STEEP1: variants seen among roughly 807,000 people sequenced by gnomAD.
STEEP1 encodes the protein STING ER exit protein.
In STEEP1, 3 loss-of-function variants were observed where a neutral mutation model predicts 19.2. The observed-to-expected ratio is 0.16, with a 90% CI of 0.07 to 0.40. STEEP1 has a LOEUF of 0.40. STEEP1 is among the 10% of genes least tolerant of loss of function. The pLI is 0.99. For synonymous variants in STEEP1, 46 were observed against 63.7 expected, an observed-to-expected ratio of 0.72 and a Z score of 1.32; for missense variants, 54 against 177.1, an observed-to-expected ratio of 0.30 and a Z score of 3.94.
At chrX:119,561,280 G>C (rs12690090) in intron 1 of STEEP1, among the ~76,000 whole-genome samples, 1 of 110,333 alleles carries the variant, frequency 9.1e-6, no homozygotes, top group African/African-American at 3.3e-5. Flanking sequence ...TATATAGTAT[G>C]CAAATGATCC....
intron 2 of STEEP1, among the ~76,000 whole-genome samples, chrX:119,555,681 T>A (rs1048659069): frequency 9.8e-6 from 1 of 101,731 alleles, no homozygotes; most frequent in African/African-American, 3.5e-5. Context: ...GTAGTCTAAG[T>A]AAGTGATTTT....
At chrX:119,555,294 A>C (rs958023616) in intron 2 of STEEP1, among the ~76,000 whole-genome samples, 1 of 110,076 alleles carries the variant, frequency 9.1e-6, no homozygotes, top group Non-Finnish European at 1.9e-5. Context: ...ATGAAGATGG[A>C]CAGATCATAG....
At chrX:119,561,350 C>G (rs1603306990) in intron 1 of STEEP1, among the ~76,000 whole-genome samples, 1 of 111,766 alleles carries the variant, frequency 8.9e-6, no homozygotes, top group African/African-American at 3.2e-5. Context: ...AAATTAGGTA[C>G]AGTTGTAAAG....
chrX:119,563,016 G>T (rs1446695453), intron 1 of STEEP1, among the ~76,000 whole-genome samples: 1 of 111,955 alleles, frequency 8.9e-6, no homozygotes, highest in Non-Finnish European at 1.9e-5. Flanking sequence ...GGCCACTGTG[G>T]CTGAAGTGCG....
Position 119,565,242 on chromosome X carries a change from G to T in STEEP1, c.114C>A (p.Val38=), listed in dbSNP as rs772616758. ...TTCCCGGCTACTCACCCAGCACTAG[G>T]ACCATCTGGCCGCACAAACAGTAGT... is the stretch of plus-strand genomic sequence containing the variant. ...HVYYCLCGQM[V]LVLDCQLEKL... Residue 38 remains valine, a synonymous_variant, in exon 1 of 7, where the codon GTC becomes GTA. Transcript: ENST00000644802. 1 of 1,206,336 alleles carries T rather than the reference G, an allele frequency of 8.3e-7. No individual in the cohort carries two copies. Among genetic ancestry groups the T allele is most frequent in the South Asian group, 1.8e-5 (1 of 56,376 alleles).
rs902185097 is a variant in STEEP1, at chrX:119,565,028, A to G, written c.124+204T>C. 6.7e-6 allele frequency: 3 copies of G among 449,267 alleles called. No individual in the cohort carries two copies. In the East Asian group the frequency reaches 1.3e-4, roughly 19 times the overall value. 37.0% of individuals were successfully genotyped at this position (449,267 alleles called of 1,213,427 possible). On this transcript the variant is annotated intron_variant, in intron 1 of 6. Coordinates refer to ENST00000644802, the MANE Select transcript of STEEP1 (RefSeq NM_022101.4). ...TTAGTTTTGAGGAAGGTCTGGATAC[A>G]GAGTCACAAGGCTAAACAAAAAGCA...
At chrX:119,565,092 T>C (rs893288340) in intron 1 of STEEP1, 140 bp downstream of exon 1, 23 of 991,052 alleles carry the variant, frequency 2.3e-5, no homozygotes, top group Non-Finnish European at 2.9e-5. Context: ...CGGGGATGCG[T>C]AGGGAGGATT....
At chrX:119,557,410 C>A (rs780855417) in intron 2 of STEEP1, among the ~76,000 whole-genome samples, 5 of 95,563 alleles carry the variant, frequency 5.2e-5, no homozygotes, top group African/African-American at 1.9e-4. Flanking sequence ...CCAGCCTGGC[C>A]AACATGGTGA....
chrX:119,558,129 G>A (rs62601742), intron 2 of STEEP1, among the ~76,000 whole-genome samples: 5,033 of 110,682 alleles, frequency 0.045, 95 homozygotes, highest in South Asian at 0.096. Flanking sequence ...GCCTGGTCTC[G>A]AACTCCTGGT....
intron 2 of STEEP1, among the ~76,000 whole-genome samples, chrX:119,557,881 T>C (rs1438570905): frequency 1.8e-5 from 2 of 111,567 alleles, no homozygotes; most frequent in Non-Finnish European, 3.8e-5. Flanking sequence ...CTTCTCTTGT[T>C]TTAGGCCACC....
At chrX:119,559,351 A>G (rs1202269454) in intron 2 of STEEP1, among the ~76,000 whole-genome samples, 1 of 111,627 alleles carries the variant, frequency 9.0e-6, no homozygotes, top group African/African-American at 3.3e-5. Flanking sequence ...TCCAGTCACA[A>G]ACGACAATTC....
intron 3 of STEEP1, 26 bp downstream of exon 3, chrX:119,545,437 G>A: frequency 1.8e-6 from 2 of 1,098,051 alleles, no homozygotes; most frequent in Non-Finnish European, 2.5e-6. Context: ...CCTATGCTTG[G>A]AGAAACCCAC....
chrX:119,541,248 T>C lies in STEEP1; in HGVS notation c.606+80A>G, dbSNP rs145181372. ...CTCCCAACAGATTTCCTAAAAGATT[T>C]CCCTGCCTGCTGAAAGGTCTTTCAG... On this transcript the variant is annotated intron_variant, in intron 6 of 6. Transcript: ENST00000644802. 431 of 599,504 alleles carry C rather than the reference T, an allele frequency of 7.2e-4. 3 individuals are homozygous for C. In the African/African-American group the frequency reaches 8.6e-3, roughly 12 times the overall value. 49.4% of individuals were successfully genotyped at this position (599,504 alleles called of 1,213,427 possible).
chrX:119,562,739 A>C (rs1194544412), intron 1 of STEEP1, among the ~76,000 whole-genome samples: 1 of 110,763 alleles, frequency 9.0e-6, no homozygotes, highest in African/African-American at 3.3e-5. Flanking sequence ...TTCTAGTGGA[A>C]GAGGCAACAT....
intron 3 of STEEP1, 36 bp from the exon 4 acceptor site, chrX:119,544,527 A>C (rs200626753): frequency 8.4e-7 from 1 of 1,188,315 alleles, no homozygotes; most frequent in East Asian, 3.0e-5. Context: ...GAGGTCTCAT[A>C]ATCCAAATTC....
At chrX:119,540,779 C>T (rs1226837394) in intron 6 of STEEP1, among the ~76,000 whole-genome samples, 1 of 112,469 alleles carries the variant, frequency 8.9e-6, no homozygotes. Flanking sequence ...GGCGTGGTGG[C>T]TCACGCCTGA....
chrX:119,563,745 C>G (rs1229725143), intron 1 of STEEP1, among the ~76,000 whole-genome samples: 1 of 110,777 alleles, frequency 9.0e-6, no homozygotes, highest in Non-Finnish European at 1.9e-5. Flanking sequence ...TGGTAAGAAG[C>G]AGTCAGATCC....
chrX:119,539,984 T>C (rs1188640418), intron 6 of STEEP1, among the ~76,000 whole-genome samples, 195 bp from the exon 7 acceptor site: 1 of 111,758 alleles, frequency 8.9e-6, no homozygotes, highest in Admixed American at 9.6e-5. Flanking sequence ...CAAAAAATGC[T>C]ATTTGTAGGC....
In STEEP1 at chrX:119,539,305, G is replaced by A. The variant is rs769265074; in HGVS notation, c.*422C>T. On this transcript the variant is annotated 3_prime_UTR_variant, in exon 7 of 7. Coordinates refer to ENST00000644802, the MANE Select transcript of STEEP1 (RefSeq NM_022101.4). ...CCAGCACTTTGGGAGGCCTAGGTGGGTGGATCATTTGAGGTCAGGAGTTGG... is the reference window on the plus strand; with the variant it reads ...CCAGCACTTTGGGAGGCCTAGGTGGATGGATCATTTGAGGTCAGGAGTTGG... 1.7e-5 allele frequency: 2 copies of A among 115,120 alleles called. No individual in the cohort carries two copies. The highest frequency in any genetic ancestry group is 6.5e-5 in the African/African-American group (2 of 30,698). The allele number at this position is 115,120 out of a possible 1,213,427, so 9.5% of individuals were successfully genotyped here.
Sources: allele counts gnomAD v4.1 joint callset (sites outside exome capture counted in the v4.1 genomes callset), GRCh38; gene constraint gnomAD v4.1.1; transcripts MANE v1.5; gene names NCBI Gene and HGNC (gene_info 2026-07-23, HGNC 2026-07-21).